Variants in SHB observed in about 807,000 individuals in gnomAD.
SHB encodes the protein SH2 domain-containing adapter protein B.
Under a neutral mutation model 52.3 loss-of-function variants are expected in SHB, and 20 were observed. The ratio of observed to expected loss-of-function variants is 0.38; its 90% CI spans 0.27 to 0.56. The LOEUF is 0.56. Ranked by LOEUF, SHB falls within the 20% of genes least tolerant of loss-of-function variation. The pLI, the probability that SHB is intolerant of heterozygous loss-of-function variation, is 0.71. For synonymous variants in SHB, 397 were observed against 316.5 expected, an observed-to-expected ratio of 1.25 and a Z score of -2.70; for missense variants, 825 against 723.3, an observed-to-expected ratio of 1.14 and a Z score of -1.61.
intron 3 of SHB, among the ~76,000 whole-genome samples, chr9:37,972,566 T>C (rs186093636): frequency 7.8e-4 from 119 of 152,326 alleles, no homozygotes; most frequent in African/African-American, 2.7e-3. Flanking sequence ...CAGTGATGTA[T>C]GCAGGAAACT....
intron 2 of SHB, among the ~76,000 whole-genome samples, chr9:37,975,395 T>C (rs1820642652): frequency 6.6e-6 from 1 of 152,172 alleles, no homozygotes; most frequent in African/African-American, 2.4e-5. Flanking sequence ...CTTCCCTTTA[T>C]TTCTACCTCC....
At chr9:37,923,663 CGCGAGCATGAGCAAA>C (rs1832210390) in intron 5 of SHB, among the ~76,000 whole-genome samples, 2 of 152,214 alleles carry the variant, frequency 1.3e-5, no homozygotes, top group Admixed American at 1.3e-4. Context: ...CAAAAGGAGA[CGCGAGCATGAGCAAA>C]GGAAGCATGA....
At chr9:38,066,817 G>C (rs1457373739) in intron 1 of SHB, among the ~76,000 whole-genome samples, 3 of 152,114 alleles carry the variant, frequency 2.0e-5, no homozygotes, top group Admixed American at 2.0e-4. Flanking sequence ...CCTCCTGTCT[G>C]GACATCCAGT....
intron 1 of SHB, among the ~76,000 whole-genome samples, chr9:38,028,324 G>C (rs983160300): frequency 1.6e-4 from 24 of 152,212 alleles, no homozygotes; most frequent in Admixed American, 1.1e-3. Context: ...CATGCACCCT[G>C]TGATACCTAT....
chr9:37,946,299 G>T (rs1247513334), intron 5 of SHB, among the ~76,000 whole-genome samples: 1 of 152,232 alleles, frequency 6.6e-6, no homozygotes, highest in Admixed American at 6.5e-5. Context: ...ACCCTCTAGG[G>T]AATGGCACAC....
At position 38,068,327 on chromosome 9, in the gene SHB, G is replaced by A. The variant is rs776094625; in HGVS notation, c.319C>T (p.Arg107Cys). Reference protein sequence around the residue: ...NGPGSSLRKLRAMCRLDYCGG... With the variant: ...NGPGSSLRKLCAMCRLDYCGG... ...CAGTAGTCCAGGCGGCACATGGCGC[G>A]CAGTTTGCGCAGCGACGAGCCAGGC... is the stretch of plus-strand genomic sequence containing the variant. Residue 107 changes from arginine (R) to cysteine (C), a missense_variant, in exon 1 of 6, where the codon CGC becomes TGC. Coordinates refer to ENST00000377707, the MANE Select transcript of SHB (RefSeq NM_003028.3). 6 of 1,536,308 alleles carry A rather than the reference G, an allele frequency of 3.9e-6. No homozygotes were observed. Among genetic ancestry groups the A allele is most frequent in the South Asian group, 1.2e-5 (1 of 82,304 alleles).
intron 1 of SHB, among the ~76,000 whole-genome samples, chr9:38,045,942 G>T (rs934113286): frequency 6.6e-6 from 1 of 152,028 alleles, no homozygotes; most frequent in Non-Finnish European, 1.5e-5. Context: ...TATGAAAAGA[G>T]GCACCAGGCA....
At chr9:37,988,497 C>T (rs1421663183) in intron 2 of SHB, among the ~76,000 whole-genome samples, 1 of 152,132 alleles carries the variant, frequency 6.6e-6, no homozygotes, top group Non-Finnish European at 1.5e-5. Context: ...ACCCATCCTA[C>T]TAGCATGTTG....
chr9:38,017,913 A>G (rs1179753444), intron 1 of SHB, among the ~76,000 whole-genome samples: 1 of 152,154 alleles, frequency 6.6e-6, no homozygotes, highest in East Asian at 1.9e-4. Flanking sequence ...ATACACATAA[A>G]CTGCTGTCAA....
chr9:37,967,606 C>T (rs1388328182), intron 3 of SHB, among the ~76,000 whole-genome samples: 1 of 152,220 alleles, frequency 6.6e-6, no homozygotes, highest in East Asian at 1.9e-4. Context: ...TAATACAAAG[C>T]ATGTACTCTG....
At chr9:37,931,476 G>A (rs1173013321) in intron 5 of SHB, among the ~76,000 whole-genome samples, 1 of 152,206 alleles carries the variant, frequency 6.6e-6, no homozygotes, top group African/African-American at 2.4e-5. Context: ...ATGGCTGACA[G>A]GTATATGAAA....
At chr9:37,939,233 C>T (rs953271126) in intron 5 of SHB, among the ~76,000 whole-genome samples, 1 of 152,240 alleles carries the variant, frequency 6.6e-6, no homozygotes, top group African/African-American at 2.4e-5. Context: ...GCATCATCAG[C>T]CTAGCACCTG....
intron 5 of SHB, among the ~76,000 whole-genome samples, chr9:37,920,529 A>G (rs1832168523): frequency 6.6e-6 from 1 of 152,186 alleles, no homozygotes; most frequent in Admixed American, 6.5e-5. Flanking sequence ...GGAAACTGTC[A>G]CTGGGAAGGG....
chr9:37,984,409 T>C (rs967300342), intron 2 of SHB, among the ~76,000 whole-genome samples: 1 of 152,212 alleles, frequency 6.6e-6, no homozygotes, highest in African/African-American at 2.4e-5. Flanking sequence ...GGTCAGCTCT[T>C]GTACGTAACG....
At chr9:38,004,404 G>A (rs570204180) in intron 2 of SHB, among the ~76,000 whole-genome samples, 134 of 152,290 alleles carry the variant, frequency 8.8e-4, no homozygotes, top group African/African-American at 2.7e-3. Flanking sequence ...GAAGGGCCGC[G>A]GTGGAGCTGA....
Position 38,053,102 on chromosome 9 carries a change from C to T in SHB, c.717+14827G>A, listed in dbSNP as rs201045370. 2.0e-5 allele frequency among the ~76,000 whole-genome samples: 3 copies of T among 151,766 alleles called. No homozygotes were observed. The East Asian group carries it at 5.8e-4, about 29-fold the overall frequency. ...GCCATCAGCTGACACAGAGCTGACC[C>T]GTCACTGTCCCTTGCATCTGTGTAA... On this transcript the variant is annotated intron_variant, in intron 1 of 5. Transcript: ENST00000377707.
rs1482194716 is a variant in SHB at position 38,002,650 on chromosome 9, G to A, written c.838+13361C>T. Among the ~76,000 whole-genome samples, 3 of 152,170 alleles carry A rather than the reference G, an allele frequency of 2.0e-5. No individual in the cohort carries two copies. In the East Asian group the frequency reaches 5.8e-4, roughly 29 times the overall value. Reference sequence around the variant, plus strand: ...ACCATCTGTCTAGTCCCCCAACCTAGCTTGGCTCTAAAATTCTCTCTCTGT... The same window carrying A: ...ACCATCTGTCTAGTCCCCCAACCTAACTTGGCTCTAAAATTCTCTCTCTGT... On this transcript the variant is annotated intron_variant, in intron 2 of 5. Coordinates refer to ENST00000377707, the MANE Select transcript of SHB (RefSeq NM_003028.3).
At chr9:37,954,501 T>G in intron 4 of SHB, among the ~76,000 whole-genome samples, 1 of 145,884 alleles carries the variant, frequency 6.9e-6, no homozygotes, top group Non-Finnish European at 1.5e-5. Flanking sequence ...GGGGAGAGGG[T>G]GGGGTCTGGG....
rs746776738 is a variant in SHB at position 37,919,894 on chromosome 9, G to T, written c.1457C>A (p.Thr486Asn). ...DSVPEVIHYY[T>N]TRKLPIKGAE... The stretch of plus-strand genomic sequence containing the variant: ...CCCTTTGATGGGTAGCTTTCTGGTG[G>T]TGTAGTAGTGGATGACTTCCGGGAC... The change falls in exon 6 of 6, where the codon ACC (threonine) becomes AAC (asparagine). Residue 486 changes from threonine (T) to asparagine (N), a missense_variant. By Grantham distance (65) the Thr-to-Asn change is moderately conservative. Coordinates refer to ENST00000377707, the MANE Select transcript of SHB (RefSeq NM_003028.3). 6.2e-7 allele frequency: 1 copy of T among 1,614,052 alleles called. No homozygotes were observed. The highest frequency in any genetic ancestry group is 1.1e-5 in the South Asian group (1 of 91,090).
Sources: allele counts gnomAD v4.1 joint callset (sites outside exome capture counted in the v4.1 genomes callset), GRCh38; gene constraint gnomAD v4.1.1; transcripts MANE v1.5; gene names NCBI Gene and HGNC (gene_info 2026-07-23, HGNC 2026-07-21).